The following CSGALNACT1 variants were observed in gnomAD, a reference collection of about 807,000 sequenced individuals.
The protein encoded by CSGALNACT1 is beta4GalNAcT-1.
CSGALNACT1 carries 52 observed loss-of-function variants against 51.0 expected under a neutral mutation model. That is an observed-to-expected ratio of 1.02 (90% CI 0.82 to 1.29). The LOEUF (loss-of-function observed/expected upper bound fraction) is 1.29, where lower values mean the gene tolerates loss of function less well. Among genes scored for constraint, CSGALNACT1 ranks in the 50% most tolerant of loss-of-function variants. The probability of loss-of-function intolerance (pLI) is 0.00; values close to 1 mark genes in which losing one functional copy is unlikely to be tolerated. For synonymous variants in CSGALNACT1, 341 were observed against 254.4 expected, an observed-to-expected ratio of 1.34 and a Z score of -3.24; for missense variants, 935 against 679.2, an observed-to-expected ratio of 1.38 and a Z score of -4.19.
At chr8:19,633,810 G>C (rs1192342799) in intron 1 of CSGALNACT1, among the ~76,000 whole-genome samples, 1 of 152,200 alleles carries the variant, frequency 6.6e-6, no homozygotes, top group African/African-American at 2.4e-5. Context: ...ACATGCCTTG[G>C]TTCTTGAGTC....
intron 1 of CSGALNACT1, among the ~76,000 whole-genome samples, chr8:19,718,448 C>G (rs1471660746): frequency 1.3e-5 from 2 of 152,098 alleles, no homozygotes; most frequent in Admixed American, 6.6e-5. Flanking sequence ...AAACTAGAAG[C>G]CAAAGATTGA....
intron 8 of CSGALNACT1, among the ~76,000 whole-genome samples, chr8:19,412,850 C>T (rs1404719612): frequency 6.6e-6 from 1 of 151,974 alleles, no homozygotes; most frequent in Admixed American, 6.5e-5. Flanking sequence ...CTGTCCATTC[C>T]TTACTATCTG....
chr8:19,442,007 A>G (rs938669378), intron 5 of CSGALNACT1, among the ~76,000 whole-genome samples: 5 of 152,242 alleles, frequency 3.3e-5, no homozygotes, highest in African/African-American at 1.2e-4. Context: ...GCAAATCAAA[A>G]CCACAATGAG....
At chr8:19,627,046 C>T (rs74913338) in intron 1 of CSGALNACT1, among the ~76,000 whole-genome samples, 3,929 of 152,176 alleles carry the variant, frequency 0.026, 187 homozygotes, top group African/African-American at 0.089. Flanking sequence ...GCAGTCATAC[C>T]CTTGGGTATT....
At chr8:19,415,184 G>C (rs2056628969) in intron 8 of CSGALNACT1, among the ~76,000 whole-genome samples, 1 of 152,206 alleles carries the variant, frequency 6.6e-6, no homozygotes, top group Non-Finnish European at 1.5e-5. Context: ...AAAGAAGAAA[G>C]TGAGGAAACA....
rs535167507 is a variant in CSGALNACT1 at position 19,640,349 on chromosome 8, C to G, written c.-543-38484G>C. On this transcript the variant is annotated intron_variant, in intron 1 of 9. Coordinates refer to the CSGALNACT1 transcript ENST00000332246. The stretch of plus-strand genomic sequence containing the variant: ...AGCACATGATCCCACACATGTAAAT[C>G]TCCCAACTCTCAAATCTCACTGTTT... Among the ~76,000 whole-genome samples, 16 of 152,270 alleles carry G rather than the reference C, an allele frequency of 1.1e-4. No individual in the cohort carries two copies. The East Asian group carries it at 3.1e-3, about 29-fold the overall frequency.
intron 5 of CSGALNACT1, chr8:19,457,898 T>G: frequency 2.3e-6 from 2 of 870,878 alleles, no homozygotes; most frequent in South Asian, 1.4e-5. Flanking sequence ...ATTCTACACT[T>G]AAGTCTAAGA....
At chr8:19,660,453 C>T (rs1035246672) in intron 1 of CSGALNACT1, among the ~76,000 whole-genome samples, 2 of 152,206 alleles carry the variant, frequency 1.3e-5, no homozygotes, top group African/African-American at 2.4e-5. Context: ...CCTGTAACCT[C>T]TCTGTAACAC....
chr8:19,548,007 G>A (rs759450619), intron 3 of CSGALNACT1, among the ~76,000 whole-genome samples: 8 of 152,174 alleles, frequency 5.3e-5, no homozygotes, highest in South Asian at 2.1e-4. Context: ...TGATTCATAC[G>A]AGTGATGTAA....
intron 8 of CSGALNACT1, among the ~76,000 whole-genome samples, chr8:19,416,773 C>A (rs770263562): frequency 6.6e-6 from 1 of 152,254 alleles, no homozygotes. Flanking sequence ...TGCATAAGTG[C>A]GCTGTATGAT....
At chr8:19,660,173 G>T (rs115300487) in intron 1 of CSGALNACT1, among the ~76,000 whole-genome samples, 2 of 152,134 alleles carry the variant, frequency 1.3e-5, no homozygotes, top group Non-Finnish European at 2.9e-5. Flanking sequence ...TACCCACATC[G>T]ATACAGGGCA....
intron 3 of CSGALNACT1, among the ~76,000 whole-genome samples, chr8:19,530,639 G>T (rs1478315965): frequency 1.3e-5 from 2 of 152,152 alleles, no homozygotes; most frequent in African/African-American, 4.8e-5. Context: ...GCTGAGGCTG[G>T]AGGATCGCTT....
At chr8:19,537,125 C>A (rs1055616933) in intron 3 of CSGALNACT1, among the ~76,000 whole-genome samples, 1 of 152,146 alleles carries the variant, frequency 6.6e-6, no homozygotes, top group Non-Finnish European at 1.5e-5. Context: ...AACCTTTAAG[C>A]AGAATTCTTT....
At chr8:19,535,664 G>C (rs922848023) in intron 3 of CSGALNACT1, among the ~76,000 whole-genome samples, 2 of 152,090 alleles carry the variant, frequency 1.3e-5, no homozygotes, top group Admixed American at 1.3e-4. Context: ...GTAAGATGAT[G>C]AATTGAACCC....
chr8:19,453,959 C>A (rs749517730), intron 5 of CSGALNACT1, among the ~76,000 whole-genome samples: 1 of 152,012 alleles, frequency 6.6e-6, no homozygotes, highest in African/African-American at 2.4e-5. Flanking sequence ...ACAATAGAAG[C>A]TGAGATGAGA....
intron 1 of CSGALNACT1, among the ~76,000 whole-genome samples, chr8:19,639,045 G>A (rs1475377014): frequency 6.6e-6 from 1 of 151,880 alleles, no homozygotes; most frequent in African/African-American, 2.4e-5. Flanking sequence ...CTTCTCTAAC[G>A]ACTCCTCCCC....
chr8:19,682,784 G>T (rs1191207253), upstream of CSGALNACT1: 2 of 453,742 alleles, frequency 4.4e-6, no homozygotes, highest in Admixed American at 2.4e-5. Context: ...TTGAGGTCTG[G>T]TTTTAAGCAG....
chr8:19,637,685 A>G (rs915348337), intron 1 of CSGALNACT1, among the ~76,000 whole-genome samples: 5 of 152,228 alleles, frequency 3.3e-5, no homozygotes, highest in Admixed American at 1.3e-4. Flanking sequence ...AACTGAGCCT[A>G]AGTTTTAAAA....
intron 1 of CSGALNACT1, among the ~76,000 whole-genome samples, chr8:19,635,984 T>G (rs4921663): frequency 6.6e-6 from 1 of 152,058 alleles, no homozygotes; most frequent in Non-Finnish European, 1.5e-5. Context: ...CCTGCCTTGA[T>G]CTTCCAATGT....
Sources: allele counts gnomAD v4.1 joint callset (sites outside exome capture counted in the v4.1 genomes callset), GRCh38; gene constraint gnomAD v4.1.1; transcripts MANE v1.5; gene names NCBI Gene and HGNC (gene_info 2026-07-23, HGNC 2026-07-21).